The following PTPRD variants were observed in gnomAD, a reference collection of about 807,000 sequenced individuals.
PTPRD encodes the protein receptor-type tyrosine-protein phosphatase delta.
A neutral mutation model predicts 214.5 loss-of-function variants in PTPRD; 34 were observed. That is an observed-to-expected ratio of 0.16 (90% CI 0.12 to 0.21). The LOEUF is 0.21. PTPRD is among the 10% of genes least tolerant of loss of function. The pLI is 1.00. For missense variants in PTPRD, 2,545 were observed against 2,398.7 expected (o/e 1.06, Z -1.27); for synonymous variants, 1,128 against 845.7 (o/e 1.33, Z -5.79).
At chr9:10,335,137 T>C (rs544751891) in intron 3 of PTPRD, among the ~76,000 whole-genome samples, 20 of 151,674 alleles carry the variant, frequency 1.3e-4, no homozygotes, top group Admixed American at 4.6e-4. Context: ...CAAGCCAATA[T>C]AGAAGGAGAA....
intron 3 of PTPRD, among the ~76,000 whole-genome samples, chr9:10,160,039 A>G (rs1342887040): frequency 6.6e-6 from 1 of 152,074 alleles, no homozygotes; most frequent in Non-Finnish European, 1.5e-5. Context: ...TGAAAGTCAT[A>G]GAGTGGCTGA....
rs181357556 is a variant in PTPRD, at chr9:10,067,983, A to G, written c.-544-34193T>C. On this transcript the variant is annotated intron_variant, in intron 3 of 45. Coordinates refer to ENST00000381196, the MANE Select transcript of PTPRD (RefSeq NM_002839.4). ...TTGGGATTTTGTGCTAGCTGACTCC[A>G]GCGCCACACTGAATCACAATTTAAA... 2.1e-3 allele frequency among the ~76,000 whole-genome samples: 312 copies of G among 152,046 alleles called. 2 individuals carry two copies. Among genetic ancestry groups the G allele is most frequent in the African/African-American group, 7.0e-3 (291 of 41,538 alleles).
intron 12 of PTPRD, among the ~76,000 whole-genome samples, chr9:8,693,442 C>A (rs2097849528): frequency 6.6e-6 from 1 of 152,112 alleles, no homozygotes; most frequent in Non-Finnish European, 1.5e-5. Flanking sequence ...CAACTCATGG[C>A]CAAATATAGG....
At chr9:9,384,881 C>G (rs114404221) in intron 9 of PTPRD, among the ~76,000 whole-genome samples, 1 of 152,052 alleles carries the variant, frequency 6.6e-6, no homozygotes, top group Non-Finnish European at 1.5e-5. Context: ...GCCTCTGAAA[C>G]AATTATGCAT....
At chr9:8,813,867 C>T (rs1286436793) in intron 11 of PTPRD, among the ~76,000 whole-genome samples, 1 of 152,210 alleles carries the variant, frequency 6.6e-6, no homozygotes, top group Admixed American at 6.5e-5. Flanking sequence ...ATGACAACAT[C>T]GTCTGAGAAG....
intron 14 of PTPRD, among the ~76,000 whole-genome samples, chr9:8,605,632 C>T (rs1222487502): frequency 6.6e-6 from 1 of 152,196 alleles, no homozygotes; most frequent in African/African-American, 2.4e-5. Context: ...TAATATAAAA[C>T]TTTCAAGATA....
At chr9:8,616,282 C>T (rs149750929) in intron 14 of PTPRD, among the ~76,000 whole-genome samples, 210 of 152,104 alleles carry the variant, frequency 1.4e-3, no homozygotes, top group African/African-American at 4.9e-3. Flanking sequence ...ATGGGAATGT[C>T]GAGATGTCAG....
In PTPRD at chr9:9,960,492, TG is replaced by T. The variant is rs2094286805; in HGVS notation, c.-471-21883del. On this transcript the variant is annotated intron_variant, in intron 4 of 45. Transcript: ENST00000381196. ...GGACAGGAGGAGACTAACTTAGCAGTGGAGAAACCTGACATATACTACCTCA... is the reference window on the plus strand; with the variant it reads ...GGACAGGAGGAGACTAACTTAGCAGTGAGAAACCTGACATATACTACCTCA... Among the ~76,000 whole-genome samples, 3 of 152,080 alleles carry T rather than the reference TG, an allele frequency of 2.0e-5. No individual in the cohort carries two copies. The South Asian group carries it at 6.2e-4, about 32-fold the overall frequency.
chr9:10,437,777 ATATATATATCTGATAAAATGC>A (rs1283582351), intron 2 of PTPRD, among the ~76,000 whole-genome samples: 4 of 151,216 alleles, frequency 2.6e-5, no homozygotes, highest in Admixed American at 6.6e-5. Flanking sequence ...TTTATCAGAT[ATATATATATCTGATAAAATGC>A]TATATATATC....
intron 11 of PTPRD, among the ~76,000 whole-genome samples, chr9:8,927,480 T>C (rs2098909098): frequency 6.6e-6 from 1 of 152,030 alleles, no homozygotes; most frequent in South Asian, 2.1e-4. Context: ...GTTCCTGTGT[T>C]AGTTTGCTGA....
intron 12 of PTPRD, among the ~76,000 whole-genome samples, chr9:8,718,593 T>G (rs2098460976): frequency 6.6e-6 from 1 of 152,166 alleles, no homozygotes; most frequent in African/African-American, 2.4e-5. Context: ...ACTTAACTAT[T>G]AGTCATTTTC....
chr9:10,584,720 C>A (rs1402467127), intron 2 of PTPRD, among the ~76,000 whole-genome samples: 1 of 152,090 alleles, frequency 6.6e-6, no homozygotes, highest in African/African-American at 2.4e-5. Flanking sequence ...AGACAAAAAG[C>A]CAGATCTTGT....
At chr9:8,358,771 A>G (rs1475498114) in intron 39 of PTPRD, among the ~76,000 whole-genome samples, 1 of 152,128 alleles carries the variant, frequency 6.6e-6, no homozygotes, top group Admixed American at 6.5e-5. Context: ...AATTTTATGA[A>G]ACCAATATTT....
chr9:8,534,137 G>C (rs7029921), intron 14 of PTPRD, among the ~76,000 whole-genome samples: 1 of 151,702 alleles, frequency 6.6e-6, no homozygotes, highest in Non-Finnish European at 1.5e-5. Context: ...AATTTATCAC[G>C]GTTGCTATGT....
At chr9:9,415,466 C>G (rs778635114) in intron 8 of PTPRD, among the ~76,000 whole-genome samples, 1 of 151,842 alleles carries the variant, frequency 6.6e-6, no homozygotes, top group African/African-American at 2.4e-5. Context: ...AGAGCAAGAC[C>G]CTGTCTCAAA....
At chr9:9,202,200 T>C (rs1346045201) in intron 9 of PTPRD, among the ~76,000 whole-genome samples, 4 of 152,204 alleles carry the variant, frequency 2.6e-5, no homozygotes, top group African/African-American at 7.2e-5. Context: ...CAACGATTAA[T>C]GAATCTCTTC....
At chr9:9,022,887 T>C (rs1302666439) in intron 10 of PTPRD, among the ~76,000 whole-genome samples, 2 of 152,166 alleles carry the variant, frequency 1.3e-5, no homozygotes, top group Non-Finnish European at 2.9e-5. Flanking sequence ...ATTGGAATTA[T>C]AGTGTATTAT....
intron 10 of PTPRD, among the ~76,000 whole-genome samples, chr9:9,029,063 A>G (rs895462471): frequency 3.4e-4 from 51 of 151,918 alleles, no homozygotes; most frequent in African/African-American, 1.2e-3. Context: ...CAGTATGAAA[A>G]ATAATATGAA....
intron 2 of PTPRD, among the ~76,000 whole-genome samples, chr9:10,397,055 C>T (rs1318511364): frequency 6.6e-6 from 1 of 152,018 alleles, no homozygotes; most frequent in Admixed American, 6.6e-5. Context: ...ATACCACTTG[C>T]TCCCAACACC....
Sources: allele counts gnomAD v4.1 joint callset (sites outside exome capture counted in the v4.1 genomes callset), GRCh38; gene constraint gnomAD v4.1.1; transcripts MANE v1.5; gene names NCBI Gene and HGNC (gene_info 2026-07-23, HGNC 2026-07-21).